Variants in C6orf89 observed in about 807,000 individuals in gnomAD.
C6orf89 encodes chromosome 6 open reading frame 89.
Under a neutral mutation model 40.7 loss-of-function variants are expected in C6orf89, and 29 were observed. The observed-to-expected ratio is 0.71, with a 90% CI of 0.53 to 0.97. C6orf89 has a LOEUF of 0.97. C6orf89 is among the 50% of genes least tolerant of loss of function. The pLI, the probability that C6orf89 is intolerant of heterozygous loss-of-function variation, is 0.00. For missense variants in C6orf89, 392 were observed against 429.1 expected (o/e 0.91, Z 0.76); for synonymous variants, 165 against 152.2 (o/e 1.08, Z -0.62).
intron 1 of C6orf89, chr6:36,874,911 G>T (rs1171684455): frequency 1.1e-6 from 1 of 922,240 alleles, no homozygotes; most frequent in East Asian, 2.8e-5. Context: ...CAAGGAAGAG[G>T]ACGGTCCCTT....
At chr6:36,916,060 CAGA>C (rs1461940167) in intron 6 of C6orf89, among the ~76,000 whole-genome samples, 1 of 152,204 alleles carries the variant, frequency 6.6e-6, no homozygotes, top group Non-Finnish European at 1.5e-5. Flanking sequence ...CCCTGTGCCT[CAGA>C]AGAAGGGTCA....
At position 36,914,339 on chromosome 6, in the gene C6orf89, T is replaced by C. The variant is rs754594931; in HGVS notation, c.459T>C (p.Pro153=). The C allele has an allele frequency of 6.1e-5, 98 of 1,614,088 alleles. No homozygotes were observed. Among genetic ancestry groups the C allele is most frequent in the Non-Finnish European group, 8.2e-5 (97 of 1,180,046 alleles). Residue 153 remains proline, a synonymous_variant, in exon 5 of 9, where the codon CCT becomes CCC. Coordinates refer to ENST00000480824, the MANE Select transcript of C6orf89 (RefSeq NM_001286635.2). ...AGCAGAATGAGTCAGAGCCCATTCC[T>C]GCCAACTGCACTGGCTGTGCCCAGA... is the stretch of plus-strand genomic sequence containing the variant. The part of the protein sequence containing the change: ...DCEQNESEPI[P]ANCTGCAQKH...
Position 36,923,445 on chromosome 6 carries a change from A to G in C6orf89, c.*4A>G, listed in dbSNP as rs758586894. ...AACCGCTTTCTCAGAACTGTAGGAA[A>G]TAGAACTGTGCACAGGAACAGCTTC... On this transcript the variant is annotated 3_prime_UTR_variant, in exon 9 of 9. Transcript: ENST00000480824. 16 of 1,609,368 alleles carry G rather than the reference A, an allele frequency of 9.9e-6. No individual in the cohort carries two copies. The South Asian group carries it at 1.3e-4, about 13-fold the overall frequency.
chr6:36,899,270 G>A (rs1323758055), intron 2 of C6orf89, among the ~76,000 whole-genome samples, 156 bp from the exon 3 acceptor site: 1 of 152,152 alleles, frequency 6.6e-6, no homozygotes, highest in Non-Finnish European at 1.5e-5. Context: ...CATTGTCTCT[G>A]TGTATTCATT....
chr6:36,879,565 A>C (rs1195699278), intron 2 of C6orf89, among the ~76,000 whole-genome samples: 1 of 152,064 alleles, frequency 6.6e-6, no homozygotes, highest in Non-Finnish European at 1.5e-5. Context: ...CTGTTTATTT[A>C]TCTCTTCTCT....
chr6:36,893,083 C>G (rs562437960), intron 1 of C6orf89, among the ~76,000 whole-genome samples: 145 of 151,750 alleles, frequency 9.6e-4, no homozygotes, highest in African/African-American at 3.5e-3. Flanking sequence ...TACAGGCCTC[C>G]GCCACCGCGC....
In C6orf89 at chr6:36,893,832, C is replaced by T. The variant is rs145540142; in HGVS notation, c.-119-672C>T. 9.2e-3 allele frequency among the ~76,000 whole-genome samples: 1,403 copies of T among 152,116 alleles called. 15 individuals carry two copies. The highest frequency in any genetic ancestry group is 0.015 in the Non-Finnish European group (1,039 of 68,004). On this transcript the variant is annotated intron_variant, in intron 1 of 8. Transcript: ENST00000480824. ...ATTTTTTATTGTCTTGCTAGAGGGACACTGTTGGCATTTGGTTGGATATGA... is the reference window on the plus strand; with the variant it reads ...ATTTTTTATTGTCTTGCTAGAGGGATACTGTTGGCATTTGGTTGGATATGA...
At chr6:36,917,919 C>A (rs566563554) in intron 7 of C6orf89, among the ~76,000 whole-genome samples, 12 of 152,194 alleles carry the variant, frequency 7.9e-5, no homozygotes, top group Non-Finnish European at 1.5e-4. Flanking sequence ...CAAATGCTTA[C>A]GAGAGTCATG....
At chr6:36,918,401 G>A (rs992433806) in intron 7 of C6orf89, among the ~76,000 whole-genome samples, 1 of 152,222 alleles carries the variant, frequency 6.6e-6, no homozygotes, top group Admixed American at 6.5e-5. Context: ...GCCAATATTA[G>A]TACCAGTCAA....
At chr6:36,893,200 C>T (rs1239625821) in intron 1 of C6orf89, among the ~76,000 whole-genome samples, 2 of 151,974 alleles carry the variant, frequency 1.3e-5, no homozygotes, top group South Asian at 2.1e-4. Context: ...TCCCAAAGTG[C>T]TGGGATTACA....
chr6:36,910,995 CA>C (rs1392253264), intron 4 of C6orf89, among the ~76,000 whole-genome samples: 1 of 152,120 alleles, frequency 6.6e-6, no homozygotes, highest in Non-Finnish European at 1.5e-5. Flanking sequence ...TTAGTACTAA[CA>C]GTTTTTTACT....
chr6:36,894,165 G>A (rs956420423), intron 1 of C6orf89, among the ~76,000 whole-genome samples: 2 of 152,084 alleles, frequency 1.3e-5, no homozygotes, highest in Non-Finnish European at 2.9e-5. Flanking sequence ...TCTCCTACCG[G>A]CACACCGTGT....
intron 1 of C6orf89, among the ~76,000 whole-genome samples, chr6:36,893,949 G>A (rs1036447649): frequency 1.3e-5 from 2 of 151,490 alleles, no homozygotes; most frequent in Non-Finnish European, 2.9e-5. Flanking sequence ...GCTTGAACCC[G>A]GGAGGCGGAG....
rs905215960 is a variant in C6orf89, at chr6:36,925,362, C to A, written c.*1921C>A. 2 of 152,224 alleles carry A rather than the reference C, an allele frequency of 1.3e-5. No individual in the cohort carries two copies. The highest frequency in any genetic ancestry group is 3.9e-4 in the East Asian group (2 of 5,178). 9.4% of individuals were successfully genotyped at this position (152,224 alleles called of 1,614,324 possible). ...AAGCAACTATTTTGATTACTGAGAT[C>A]TCTGTTTTGTTTCTGTGAGTTACTC... On this transcript the variant is annotated 3_prime_UTR_variant, in exon 9 of 9. Coordinates refer to ENST00000480824, the MANE Select transcript of C6orf89 (RefSeq NM_001286635.2).
chr6:36,888,524 C>T (rs1339320592), intron 1 of C6orf89, among the ~76,000 whole-genome samples: 1 of 152,150 alleles, frequency 6.6e-6, no homozygotes, highest in African/African-American at 2.4e-5. Context: ...CTCCCAGCTA[C>T]TCCAGAGGCT....
At chr6:36,919,244 T>C (rs368334133) in intron 7 of C6orf89, among the ~76,000 whole-genome samples, 12 of 152,378 alleles carry the variant, frequency 7.9e-5, no homozygotes, top group African/African-American at 2.6e-4. Context: ...AAGCTGTGGC[T>C]AAAAATAGTT....
At chr6:36,876,335 A>T (rs1238222227) in intron 1 of C6orf89, among the ~76,000 whole-genome samples, 1 of 152,206 alleles carries the variant, frequency 6.6e-6, no homozygotes, top group Non-Finnish European at 1.5e-5. Context: ...GATGAGTCTC[A>T]CACACACAGT....
intron 4 of C6orf89, 124 bp from the exon 5 acceptor site, chr6:36,914,160 A>AAAAT (rs1248674640): frequency 7.3e-6 from 7 of 959,448 alleles, no homozygotes; most frequent in South Asian, 1.8e-5. Flanking sequence ...ACTCTGTCTC[A>AAAAT]AAATAAATAA....
At chr6:36,882,717 T>TTC (rs890189755), upstream of C6orf89, among the ~76,000 whole-genome samples, 4 of 117,414 alleles carry the variant, frequency 3.4e-5, no homozygotes, top group African/African-American at 1.1e-4. Context: ...CATTTTCTTT[T>TTC]TTTTTTTTTC....
Sources: gnomAD v4.1 joint callset for allele counts (sites outside exome capture counted in the v4.1 genomes callset) on GRCh38, gnomAD v4.1.1 for gene constraint, MANE v1.5 for transcripts, NCBI Gene and HGNC (gene_info 2026-07-23, HGNC 2026-07-21) for gene names.